Variants in HOXA3 observed in about 807,000 individuals in gnomAD.
HOXA3 encodes the protein homeobox A3, also known as homeobox protein Hox-A3.
HOXA3 carries 8 observed loss-of-function variants against 30.3 expected under a neutral mutation model. The observed-to-expected ratio is 0.26, with a 90% CI of 0.15 to 0.48. The LOEUF (loss-of-function observed/expected upper bound fraction) is 0.48, where lower values mean the gene tolerates loss of function less well. Among genes scored for constraint, HOXA3 ranks in the 20% least tolerant of loss-of-function variants. The pLI is 0.99. For synonymous variants in HOXA3, 323 were observed against 273.1 expected, an observed-to-expected ratio of 1.18 and a Z score of -1.80; for missense variants, 653 against 614.4, an observed-to-expected ratio of 1.06 and a Z score of -0.66.
In HOXA3 at chr7:27,110,630, G is replaced by A. The variant is rs1326302466; in HGVS notation, c.11C>T (p.Ala4Val). MQK[A>V]TYYDSSAIYG... ...GATCGCCGAGCTGTCGTAGTAGGTC[G>A]CTTTTTGCATCGCGTTGTTTCACGA... Residue 4 changes from alanine to valine, a missense_variant, in exon 5 of 6, where the codon GCG becomes GTG. Transcript: ENST00000612286. 11 of 1,602,946 alleles carry A rather than the reference G, an allele frequency of 6.9e-6. No individual in the cohort carries two copies. The highest frequency in any genetic ancestry group is 9.4e-6 in the Non-Finnish European group (11 of 1,171,576).
At position 27,107,777 on chromosome 7, in the gene HOXA3, C is replaced by A; in HGVS notation, c.*138G>T. On this transcript the variant is annotated 3_prime_UTR_variant, in exon 6 of 6. Coordinates refer to ENST00000612286, the MANE Select transcript of HOXA3 (RefSeq NM_153631.3). Reference sequence around the variant, plus strand: ...ACCAACGAGGGGGGAAACCGGGAAACGGAGTGCGGGGCGGAGAAGAGAGAA... The same window carrying A: ...ACCAACGAGGGGGGAAACCGGGAAAAGGAGTGCGGGGCGGAGAAGAGAGAA... 1.8e-6 allele frequency: 1 copy of A among 566,780 alleles called. No individual in the cohort carries two copies. The highest frequency in any genetic ancestry group is 3.8e-5 in the Admixed American group (1 of 26,306). 35.1% of individuals were successfully genotyped at this position (566,780 alleles called of 1,614,324 possible).
chr7:27,114,744 T>TACATACACACACAC (rs1554336642), intron 4 of HOXA3, among the ~76,000 whole-genome samples: 1 of 93,442 alleles, frequency 1.1e-5, no homozygotes, highest in Non-Finnish European at 2.1e-5. Flanking sequence ...ACCGACATCA[T>TACATACACACACAC]ACACACACAC....
At chr7:27,147,857 C>G (rs995636133) in intron 1 of HOXA3, 3 of 1,021,452 alleles carry the variant, frequency 2.9e-6, no homozygotes, top group African/African-American at 3.2e-5. Context: ...ACGCCAAAAG[C>G]GACAGCAGCA....
chr7:27,151,472 T>C, intron 1 of HOXA3: 1 of 405,302 alleles, frequency 2.5e-6, no homozygotes, highest in South Asian at 1.7e-5. Flanking sequence ...CCTTCAACCT[T>C]AGCTGCGGGA....
In HOXA3 at chr7:27,108,331, C is replaced by T. The variant is rs1784145802; in HGVS notation, c.916G>A (p.Gly306Arg). 4.0e-6 allele frequency: 6 copies of T among 1,507,210 alleles called. No individual in the cohort carries two copies. In the South Asian group the frequency reaches 6.2e-5, roughly 16 times the overall value. 93.4% of individuals were successfully genotyped at this position (1,507,210 alleles called of 1,614,324 possible). Reference protein sequence around the residue: ...PFSKPPQGTYGLPPASYPASL... With the variant: ...PFSKPPQGTYRLPPASYPASL... ...GCAGGGTAGGAGGCGGGGGGCAGCC[C>T]GTAGGTACCCTGGGGGGGCTTGGAG... is the stretch of plus-strand genomic sequence containing the variant. Residue 306 changes from glycine (G) to arginine (R), a missense_variant, in exon 6 of 6, where the codon GGG becomes AGG. By Grantham distance (125) the Gly-to-Arg change is moderately radical. Around this residue, in one of 3 missense-constraint regions of HOXA3, gnomAD observed 330 missense variants for 274.4 expected, o/e 1.20. Transcript: ENST00000612286. The surrounding 1 kb of genome is among the most constrained non-coding windows in gnomAD (Gnocchi z 5.0).
At chr7:27,145,299 T>G in intron 1 of HOXA3, 2 of 250,596 alleles carry the variant, frequency 8.0e-6, no homozygotes, top group Non-Finnish European at 1.5e-5. Flanking sequence ...CGTCCCGAGG[T>G]CGGGGAGCTC....
intron 4 of HOXA3, among the ~76,000 whole-genome samples, chr7:27,114,852 ATTAT>A (rs1390587671): frequency 9.1e-6 from 1 of 109,306 alleles, no homozygotes; most frequent in African/African-American, 3.2e-5. Context: ...TATAATATAT[ATTAT>A]ATATATAATA....
In HOXA3 at chr7:27,142,120, T is replaced by A. The variant is rs945999979; in HGVS notation, c.-493-1934A>T. On this transcript the variant is annotated intron_variant, in intron 1 of 5. Transcript: ENST00000612286. ...AAAAGTCAGCGGTTTAGCCACCAAC[T>A]CCTGTCTTCCAAAGTCCGCCAGGGG... 1.9e-6 allele frequency: 3 copies of A among 1,598,028 alleles called. No homozygotes were observed. In the Admixed American group the frequency reaches 5.1e-5, roughly 27 times the overall value.
At chr7:27,125,844 A>G (rs1426114093) in intron 3 of HOXA3, among the ~76,000 whole-genome samples, 1 of 152,214 alleles carries the variant, frequency 6.6e-6, no homozygotes, top group Non-Finnish European at 1.5e-5. Flanking sequence ...AGGGAAGGCA[A>G]CAGTGAGGAG....
At position 27,151,291 on chromosome 7, in the gene HOXA3, T is replaced by G. The variant is rs571126508; in HGVS notation, c.-494+997A>C. The G allele has an allele frequency of 6.2e-4, 188 of 305,378 alleles. 2 individuals are homozygous for G. Among genetic ancestry groups the G allele is most frequent in the South Asian group, 4.8e-3 (184 of 38,186 alleles). The allele number at this position is 305,378 out of a possible 1,614,324, so 18.9% of individuals were successfully genotyped here. A position where few individuals can be genotyped will look rare whatever the true frequency, so the allele number is the denominator to read the frequency against. ...ATGTGCACTTAGGCCGAGCTACAGT[T>G]CGAGCCACCGCGCTACGCAAAGCCA... On this transcript the variant is annotated intron_variant, in intron 1 of 5. Transcript: ENST00000612286.
At chr7:27,142,982 A>AGAGAG in intron 1 of HOXA3, 1 of 1,395,536 alleles carries the variant, frequency 7.2e-7, no homozygotes, top group Non-Finnish European at 9.7e-7. Flanking sequence ...GCGGCAGAGA[A>AGAGAG]GAGAGGGGGG....
intron 3 of HOXA3, chr7:27,124,671 C>T (rs1785197566): frequency 6.6e-6 from 1 of 152,176 alleles, no homozygotes; most frequent in Non-Finnish European, 1.5e-5. Flanking sequence ...GACTCCGATC[C>T]ATTCCTGACG....
At chr7:27,112,262 C>G (rs1396805403) in intron 4 of HOXA3, among the ~76,000 whole-genome samples, 1 of 152,046 alleles carries the variant, frequency 6.6e-6, no homozygotes, top group Non-Finnish European at 1.5e-5. Flanking sequence ...GGTTAACATG[C>G]AATCCAACTA....
rs548053168 is a variant in HOXA3 at position 27,131,111 on chromosome 7, G to C, written c.-389-4041C>G. The stretch of plus-strand genomic sequence containing the variant: ...AGCTTTGGTTCCCGCTGGGAATTCA[G>C]GCCCTGTCAGGCTGTAGGTCCTCTC... On this transcript the variant is annotated intron_variant, in intron 2 of 5. Coordinates refer to ENST00000612286, the MANE Select transcript of HOXA3 (RefSeq NM_153631.3). 2.0e-5 allele frequency among the ~76,000 whole-genome samples: 3 copies of C among 152,280 alleles called. No homozygotes were observed. In the South Asian group the frequency reaches 6.2e-4, roughly 32 times the overall value.
intron 4 of HOXA3, among the ~76,000 whole-genome samples, chr7:27,112,779 AACAAAATT>A (rs3840582): frequency 0.14 from 20,674 of 152,140 alleles, 1,660 homozygotes; most frequent in African/African-American, 0.21. Flanking sequence ...TATTAGATAA[AACAAAATT>A]AAGCTGATTT....
At position 27,107,801 on chromosome 7, in the gene HOXA3, A is replaced by T. The variant is rs1230341877; in HGVS notation, c.*114T>A. The T allele has an allele frequency of 2.0e-5, 15 of 734,160 alleles. No homozygotes were observed. The Admixed American group carries it at 4.2e-4, about 21-fold the overall frequency. 45.5% of individuals were successfully genotyped at this position (734,160 alleles called of 1,614,324 possible). On this transcript the variant is annotated 3_prime_UTR_variant, in exon 6 of 6. Transcript: ENST00000612286. ...ACGGAGTGCGGGGCGGAGAAGAGAGAAAAGGAAGGAAGGAAAGGGCAGGAA... is the reference window on the plus strand; with the variant it reads ...ACGGAGTGCGGGGCGGAGAAGAGAGTAAAGGAAGGAAGGAAAGGGCAGGAA...
intron 2 of HOXA3, among the ~76,000 whole-genome samples, chr7:27,131,042 C>G (rs1418274696): frequency 6.6e-6 from 1 of 152,130 alleles, no homozygotes; most frequent in Admixed American, 6.5e-5. Context: ...CTGTCCGGCC[C>G]CTGGGCTGGG....
chr7:27,143,263 G>A (rs1385704399), intron 1 of HOXA3: 1 of 1,607,830 alleles, frequency 6.2e-7, no homozygotes, highest in Non-Finnish European at 8.5e-7. Flanking sequence ...TCCCGCCGTG[G>A]TGGCTGTCGC....
At chr7:27,119,887 C>A (rs1784917029) in intron 4 of HOXA3, among the ~76,000 whole-genome samples, 1 of 152,186 alleles carries the variant, frequency 6.6e-6, no homozygotes, top group Non-Finnish European at 1.5e-5. Context: ...TGTGGTGTAG[C>A]TGGAAGAGAA....
Sources: gnomAD v4.1 joint callset for allele counts (sites outside exome capture counted in the v4.1 genomes callset) on GRCh38, gnomAD v4.1.1 for gene constraint, gnomAD v4.1.1 regional missense constraint, Gnocchi (gnomAD v3.1) non-coding constraint, MANE v1.5 for transcripts, NCBI Gene and HGNC (gene_info 2026-07-23, HGNC 2026-07-21) for gene names.